GFOD1: variants seen among roughly 807,000 people sequenced by gnomAD.
The protein encoded by GFOD1 is glucose-fructose oxidoreductase domain-containing protein 1.
In GFOD1, 9 loss-of-function variants were observed where a neutral mutation model predicts 25.4. That is an observed-to-expected ratio of 0.35 (90% CI 0.21 to 0.62). GFOD1 has a LOEUF of 0.62. Among genes scored for constraint, GFOD1 ranks in the 20% least tolerant of loss-of-function variants. The pLI is 0.72. For missense variants in GFOD1, 403 were observed against 556.9 expected (o/e 0.72, Z 2.78); for synonymous variants, 253 against 245.6 (o/e 1.03, Z -0.28).
At chr6:13,445,749 G>C (rs1347396410) in intron 1 of GFOD1, among the ~76,000 whole-genome samples, 1 of 152,234 alleles carries the variant, frequency 6.6e-6, no homozygotes. Context: ...CCACTTAGAA[G>C]ACACACAAAC....
chr6:13,414,255 C>T (rs930281040), intron 1 of GFOD1, among the ~76,000 whole-genome samples: 8 of 152,144 alleles, frequency 5.3e-5, no homozygotes, highest in African/African-American at 1.9e-4. Context: ...ATGTGGATGG[C>T]GAGAAAAGAT....
intron 1 of GFOD1, among the ~76,000 whole-genome samples, chr6:13,405,858 A>T (rs511996): frequency 6.6e-6 from 1 of 151,970 alleles, no homozygotes; most frequent in East Asian, 1.9e-4. Flanking sequence ...ACAAAGAAGC[A>T]TAAAAGACGG....
At position 13,430,293 on chromosome 6, in the gene GFOD1, C is replaced by T. The variant is rs550536191; in HGVS notation, c.253+56345G>A. 3.0e-4 allele frequency among the ~76,000 whole-genome samples: 45 copies of T among 152,042 alleles called. No homozygotes were observed. The highest frequency in any genetic ancestry group is 3.4e-3 in the Middle Eastern group (1 of 292). The stretch of plus-strand genomic sequence containing the variant: ...CTCTACTAAAAATACAAAAATTAGC[C>T]GGGCATGGTGGCACACATCTATAAT... On this transcript the variant is annotated intron_variant, in intron 1 of 1. Coordinates refer to ENST00000379287, the MANE Select transcript of GFOD1 (RefSeq NM_018988.4). This position sits in a 1 kb window ranked among gnomAD's most constrained non-coding sequence, Gnocchi z 4.1.
intron 1 of GFOD1, among the ~76,000 whole-genome samples, chr6:13,483,776 C>A (rs1306641689): frequency 6.6e-6 from 1 of 152,252 alleles, no homozygotes; most frequent in East Asian, 1.9e-4. Flanking sequence ...GAAGAAATGA[C>A]TCCGGGGGAG....
intron 1 of GFOD1, among the ~76,000 whole-genome samples, chr6:13,416,576 C>T (rs181163651): frequency 3.9e-4 from 60 of 152,242 alleles, no homozygotes; most frequent in Non-Finnish European, 7.4e-4. Flanking sequence ...TGTGCCATCA[C>T]AAAAGGGATA....
intron 1 of GFOD1, chr6:13,469,248 A>G (rs1758433998): frequency 5.1e-6 from 5 of 985,556 alleles, no homozygotes; most frequent in Non-Finnish European, 6.0e-6. Flanking sequence ...GAACAGATGG[A>G]GGAATACATC....
At chr6:13,367,002 T>C (rs1211585803) in intron 1 of GFOD1, among the ~76,000 whole-genome samples, 2 of 151,954 alleles carry the variant, frequency 1.3e-5, no homozygotes, top group Admixed American at 6.6e-5. Flanking sequence ...AAATACAAAA[T>C]ATTAGATAGT....
At chr6:13,459,259 G>A (rs1758248716) in intron 1 of GFOD1, among the ~76,000 whole-genome samples, 2 of 151,904 alleles carry the variant, frequency 1.3e-5, no homozygotes, top group Non-Finnish European at 2.9e-5. Context: ...AATGGGGAAA[G>A]GATTCCCTAT....
chr6:13,419,633 C>T (rs565590470), intron 1 of GFOD1, among the ~76,000 whole-genome samples: 16 of 152,234 alleles, frequency 1.1e-4, no homozygotes, highest in Admixed American at 3.3e-4. Flanking sequence ...TTTGCAGGAC[C>T]CTCCACGATC....
chr6:13,465,337 C>G lies in GFOD1; in HGVS notation c.253+21301G>C, dbSNP rs141002528. The stretch of plus-strand genomic sequence containing the variant: ...ATCCCACAGGCAGGGGTTGGACAAG[C>G]TTGATCTAAAGCTTAGATTCTAAAT... On this transcript the variant is annotated intron_variant, in intron 1 of 1. Transcript: ENST00000379287. 2.1e-4 allele frequency among the ~76,000 whole-genome samples: 32 copies of G among 152,310 alleles called. 1 individual carries two copies. The highest frequency in any genetic ancestry group is 2.1e-3 in the Admixed American group (32 of 15,298).
intron 1 of GFOD1, among the ~76,000 whole-genome samples, chr6:13,379,893 G>A (rs75988584): frequency 6.6e-6 from 1 of 152,192 alleles, no homozygotes; most frequent in African/African-American, 2.4e-5. Context: ...GTCAGGGGAC[G>A]TGGATTGAAA....
intron 1 of GFOD1, among the ~76,000 whole-genome samples, chr6:13,451,017 T>C (rs550474488): frequency 6.6e-6 from 1 of 152,336 alleles, no homozygotes; most frequent in African/African-American, 2.4e-5. Flanking sequence ...CTACCACACC[T>C]TGACCTTAGA....
At chr6:13,418,488 G>A (rs1043890100) in intron 1 of GFOD1, among the ~76,000 whole-genome samples, 2 of 152,208 alleles carry the variant, frequency 1.3e-5, no homozygotes, top group African/African-American at 4.8e-5. Context: ...GTTTGCTCAT[G>A]TGTCCTTTAA....
intron 1 of GFOD1, among the ~76,000 whole-genome samples, chr6:13,422,626 G>C (rs1320058670): frequency 6.6e-6 from 1 of 152,188 alleles, no homozygotes; most frequent in Non-Finnish European, 1.5e-5. Context: ...CTAGCGTTCA[G>C]GTGGATGACA....
chr6:13,409,941 GA>G (rs1786043144), intron 1 of GFOD1, among the ~76,000 whole-genome samples: 9 of 27,924 alleles, frequency 3.2e-4, no homozygotes, highest in Admixed American at 2.6e-3. Flanking sequence ...AAAAAAAAAA[GA>G]AAGAAAGAAA....
chr6:13,426,854 C>T (rs1196659009), intron 1 of GFOD1, among the ~76,000 whole-genome samples: 1 of 152,196 alleles, frequency 6.6e-6, no homozygotes, highest in Non-Finnish European at 1.5e-5. Context: ...CTGTCAGTGT[C>T]TGTTGGTGGA....
At chr6:13,370,741 G>A (rs1446761040) in intron 1 of GFOD1, among the ~76,000 whole-genome samples, 1 of 152,104 alleles carries the variant, frequency 6.6e-6, no homozygotes, top group African/African-American at 2.4e-5. Context: ...ATGTATGTGT[G>A]TAGGTGGATT....
At chr6:13,461,537 C>A (rs1758290068) in intron 1 of GFOD1, among the ~76,000 whole-genome samples, 1 of 152,164 alleles carries the variant, frequency 6.6e-6, no homozygotes. Flanking sequence ...GTTTTTACAT[C>A]CACTGTCAGC....
intron 1 of GFOD1, among the ~76,000 whole-genome samples, chr6:13,414,885 C>G (rs1193771652): frequency 6.6e-6 from 1 of 152,030 alleles, no homozygotes; most frequent in Non-Finnish European, 1.5e-5. Context: ...TGGCATAAGT[C>G]AAAAGAGACT....
Sources: gnomAD v4.1 joint callset for allele counts (sites outside exome capture counted in the v4.1 genomes callset) on GRCh38, gnomAD v4.1.1 for gene constraint, Gnocchi (gnomAD v3.1) non-coding constraint, MANE v1.5 for transcripts, NCBI Gene and HGNC (gene_info 2026-07-23, HGNC 2026-07-21) for gene names.